Variants in GHRHR observed in about 807,000 individuals in gnomAD.
GHRHR encodes growth hormone releasing hormone receptor.
Under a neutral mutation model 58.3 loss-of-function variants are expected in GHRHR, and 40 were observed. The observed-to-expected ratio is 0.69, with a 90% confidence interval of 0.53 to 0.89. The LOEUF (loss-of-function observed/expected upper bound fraction) is 0.89, where lower values mean the gene tolerates loss of function less well. Ranked by LOEUF, GHRHR falls within the 40% of genes least tolerant of loss-of-function variation. The pLI is 0.00. For missense variants in GHRHR, 551 were observed against 541.3 expected, an observed-to-expected ratio of 1.02 and a Z score of -0.18; for synonymous variants, 249 against 216.6, an observed-to-expected ratio of 1.15 and a Z score of -1.31.
At chr7:30,971,678 A>G (rs1272055975) in intron 5 of GHRHR, among the ~76,000 whole-genome samples, 4 of 151,938 alleles carry the variant, frequency 2.6e-5, no homozygotes, top group African/African-American at 9.7e-5. Context: ...GGGGGCTCCC[A>G]TGGGCAGTAC....
rs1396503898 is a variant in GHRHR at position 30,975,056 on chromosome 7, A to C, written c.882+16A>C. 1.3e-6 allele frequency: 2 copies of C among 1,573,164 alleles called. No homozygotes were observed. The highest frequency in any genetic ancestry group is 2.7e-5 in the African/African-American group (2 of 74,126). On this transcript the variant is annotated intron_variant, in intron 9 of 12. Transcript: ENST00000326139. ...CTCGGTCGGGGTCAGTCCCTGGGCC[A>C]GTGCCCTTTGCTTTATTCAGTCAAC...
At chr7:30,974,284 G>A (rs1176978818) in intron 7 of GHRHR, 145 bp from the exon 8 acceptor site, 5 of 1,136,440 alleles carry the variant, frequency 4.4e-6, no homozygotes, top group African/African-American at 3.1e-5. Flanking sequence ...GTTGGAGGGT[G>A]GGACCAGGGC....
rs527316151 is a variant in GHRHR at position 30,969,807 on chromosome 7, C to G, written c.269-60C>G. 356 of 1,576,880 alleles carry G rather than the reference C, an allele frequency of 2.3e-4. 3 individuals are homozygous for G. The South Asian group carries it at 3.7e-3, about 17-fold the overall frequency. On this transcript the variant is annotated intron_variant, in intron 3 of 12. Coordinates refer to ENST00000326139, the MANE Select transcript of GHRHR (RefSeq NM_000823.4). ...GGTCACTTGATGGTCCCTGGCACCC[C>G]CAGCCCCCTCCTGGGGAGAGGGAAG...
At chr7:30,967,410 T>C (rs1433138437) in intron 1 of GHRHR, among the ~76,000 whole-genome samples, 2 of 152,218 alleles carry the variant, frequency 1.3e-5, no homozygotes, top group Non-Finnish European at 2.9e-5. Context: ...GTTTCCAGCT[T>C]CCAGAGATCA....
Position 30,974,448 on chromosome 7 carries a change from T to C in GHRHR, c.771T>C (p.Thr257=). 1 of 1,612,576 alleles carries C rather than the reference T, an allele frequency of 6.2e-7. No homozygotes were observed. Among genetic ancestry groups the C allele is most frequent in the South Asian group, 1.1e-5 (1 of 91,046 alleles). Residue 257 remains threonine, a synonymous_variant, in exon 8 of 13, where the codon ACT becomes ACC. Coordinates refer to ENST00000326139, the MANE Select transcript of GHRHR (RefSeq NM_000823.4). The part of the protein sequence containing the change: ...LAGWGLPVLF[T]GTWVSCKLAF... ...CTGTAGGGCTGCCCGTGCTCTTCAC[T>C]GGCACGTGGGTGAGCTGCAAACTGG...
intron 5 of GHRHR, 87 bp from the exon 6 acceptor site, chr7:30,971,876 C>T: frequency 1.6e-6 from 2 of 1,235,900 alleles, no homozygotes; most frequent in Admixed American, 1.7e-5. Flanking sequence ...TTCGATTCAC[C>T]TCCTGCCCTG....
intron 8 of GHRHR, 23 bp from the exon 9 acceptor site, chr7:30,974,948 G>C (rs777602715): frequency 3.2e-6 from 5 of 1,559,572 alleles, no homozygotes; most frequent in Middle Eastern, 1.7e-4. Context: ...TTCCAACAAC[G>C]GCCTTCTTTC....
chr7:30,967,628 T>C (rs954049967), intron 1 of GHRHR, among the ~76,000 whole-genome samples: 2 of 71,444 alleles, frequency 2.8e-5, no homozygotes, highest in Non-Finnish European at 5.2e-5. Context: ...TCCCCAGCCA[T>C]ATATTTGTCT....
intron 1 of GHRHR, among the ~76,000 whole-genome samples, chr7:30,965,883 G>GGAGATGTA (rs1422277043): frequency 9.2e-5 from 14 of 152,332 alleles, no homozygotes; most frequent in Admixed American, 7.2e-4. Flanking sequence ...CAGTCTGTTG[G>GGAGATGTA]GAGATGTAGG....
At chr7:30,976,605 G>A (rs745564961) in intron 11 of GHRHR, 47 bp downstream of exon 11, 7 of 1,584,940 alleles carry the variant, frequency 4.4e-6, no homozygotes, top group Non-Finnish European at 5.2e-6. Flanking sequence ...GGGTGCTGGA[G>A]GGAGGTGCTG....
Position 30,977,300 on chromosome 7 carries a change from T to C in GHRHR, c.1124T>C (p.Leu375Pro). The C allele has an allele frequency of 6.2e-7, 1 of 1,614,140 alleles. No homozygotes were observed. Among genetic ancestry groups the C allele is most frequent in the Non-Finnish European group, 8.5e-7 (1 of 1,179,986 alleles). Residue 375 changes from leucine (L) to proline (P), a missense_variant, in exon 12 of 13, where the codon CTC (leucine) becomes CCC (proline). Physicochemically the swap from Leu to Pro is moderately conservative, Grantham distance 98. Transcript: ENST00000326139. ...GSFQGFIVAI[L>P]YCFLNQEVRT... ...CCACAGGGCTTCATTGTTGCCATCCTCTACTGCTTCCTCAACCAAGAGGTG... is the reference window on the plus strand; with the variant it reads ...CCACAGGGCTTCATTGTTGCCATCCCCTACTGCTTCCTCAACCAAGAGGTG...
chr7:30,976,427 A>C lies in GHRHR; in HGVS notation c.975-2A>C. 1 of 1,613,222 alleles carries C rather than the reference A, an allele frequency of 6.2e-7. No individual in the cohort carries two copies. Among genetic ancestry groups the C allele is most frequent in the South Asian group, 1.1e-5 (1 of 91,040 alleles). ...GGAGCCTAGGATTTGTCTTTCCTGC[A>C]GGCGTCTCTCCAAGTCGACACTTTT... On this transcript the variant is annotated splice_acceptor_variant, in intron 10 of 12. Coordinates refer to ENST00000326139, the MANE Select transcript of GHRHR (RefSeq NM_000823.4). LOFTEE classifies it high-confidence loss of function.
chr7:30,968,859 G>A lies in GHRHR; in HGVS notation c.83G>A (p.Cys28Tyr). The A allele has an allele frequency of 1.2e-6, 2 of 1,613,824 alleles. No homozygotes were observed. The highest frequency in any genetic ancestry group is 2.7e-5 in the African/African-American group (2 of 74,978). Residue 28 changes from cysteine to tyrosine, a missense_variant, in exon 2 of 13, where the codon TGT becomes TAT. Coordinates refer to ENST00000326139, the MANE Select transcript of GHRHR (RefSeq NM_000823.4). Reference protein sequence around the residue: ...PTVLGHMHPECDFITQLREDE... With the variant: ...PTVLGHMHPEYDFITQLREDE... Reference sequence around the variant, plus strand: ...GTATTGGGCCACATGCACCCAGAATGTGACTTCATCACCCAGCTGAGAGAG... The same window carrying A: ...GTATTGGGCCACATGCACCCAGAATATGACTTCATCACCCAGCTGAGAGAG...
intron 12 of GHRHR, among the ~76,000 whole-genome samples, chr7:30,978,020 C>T (rs996616433): frequency 1.3e-5 from 2 of 152,178 alleles, no homozygotes; most frequent in Non-Finnish European, 2.9e-5. Flanking sequence ...CTCAATGCCC[C>T]GGACTCCCAA....
At chr7:30,975,131 G>A in intron 9 of GHRHR, 91 bp downstream of exon 9, 1 of 904,444 alleles carries the variant, frequency 1.1e-6, no homozygotes, top group Non-Finnish European at 1.9e-6. Flanking sequence ...GCAACTCCAG[G>A]CTGGGTGTCT....
chr7:30,969,466 C>A, intron 3 of GHRHR: 1 of 593,104 alleles, frequency 1.7e-6, no homozygotes, highest in South Asian at 2.0e-5. Flanking sequence ...GAGGGCAGGC[C>A]TGCCTGACTG....
intron 10 of GHRHR, 75 bp downstream of exon 10, chr7:30,975,943 T>C (rs1792568591): frequency 2.3e-6 from 2 of 854,290 alleles, no homozygotes; most frequent in South Asian, 1.3e-5. Flanking sequence ...TCTCATCCAA[T>C]AAGCACTCAT....
Position 30,976,459 on chromosome 7 carries a change from C to G in GHRHR, c.1005C>G (p.Ile335Met), listed in dbSNP as rs1437784055. ...TCTCCAAGTCGACACTTTTCCTGATCCCACTCTTTGGAATTCACTACATCA... is the reference window on the plus strand; with the variant it reads ...TCTCCAAGTCGACACTTTTCCTGATGCCACTCTTTGGAATTCACTACATCA... ...WRLSKSTLFL[I>M]PLFGIHYIIF... The change falls in exon 11 of 13, where the codon ATC (isoleucine) becomes ATG (methionine). Residue 335 changes from isoleucine (I) to methionine (M), a missense_variant. Ile to Met is a conservative substitution (Grantham distance 10, BLOSUM62 1). Transcript: ENST00000326139. The G allele has an allele frequency of 6.2e-7, 1 of 1,613,160 alleles. No homozygotes were observed. Among genetic ancestry groups the G allele is most frequent in the Non-Finnish European group, 8.5e-7 (1 of 1,179,216 alleles).
At position 30,974,992 on chromosome 7, in the gene GHRHR, C is replaced by T. The variant is rs773069868; in HGVS notation, c.834C>T (p.Thr278=). The T allele has an allele frequency of 2.1e-5, 34 of 1,612,830 alleles. No homozygotes were observed. Among genetic ancestry groups the T allele is most frequent in the Non-Finnish European group, 2.7e-5 (32 of 1,178,950 alleles). ...CCAGGTGCTGGGACCTGGACGACACCTCCCCCTACTGGTGGATCATCAAAG... is the reference window on the plus strand; with the variant it reads ...CCAGGTGCTGGGACCTGGACGACACTTCCCCCTACTGGTGGATCATCAAAG... ...EDIACWDLDD[T]SPYWWIIKGP... is the part of the protein sequence containing the mutation. Residue 278 remains threonine (T), a synonymous_variant, in exon 9 of 13, where the codon ACC becomes ACT. Coordinates refer to ENST00000326139, the MANE Select transcript of GHRHR (RefSeq NM_000823.4).
Sources: gnomAD v4.1 joint callset for allele counts (sites outside exome capture counted in the v4.1 genomes callset) on GRCh38, gnomAD v4.1.1 for gene constraint, MANE v1.5 for transcripts, NCBI Gene and HGNC (gene_info 2026-07-23, HGNC 2026-07-21) for gene names.